KNOP1: variants seen among roughly 807,000 people sequenced by gnomAD.
KNOP1 encodes lysine rich nucleolar protein 1.
A neutral mutation model predicts 30.6 loss-of-function variants in KNOP1; 20 were observed. That is an observed-to-expected ratio of 0.65 (90% CI 0.46 to 0.95). KNOP1 has a LOEUF of 0.95. KNOP1 is among the 40% of genes least tolerant of loss of function. The pLI is 0.00. For synonymous variants in KNOP1, 204 were observed against 210.0 expected, an observed-to-expected ratio of 0.97 and a Z score of 0.25; for missense variants, 540 against 562.0, an observed-to-expected ratio of 0.96 and a Z score of 0.40.
At position 19,714,954 on chromosome 16, in the gene KNOP1, G is replaced by A. The variant is rs369632907; in HGVS notation, c.82C>T (p.Arg28Ter). The change falls in exon 2 of 5, where the codon CGA (arginine) becomes TGA (stop). Residue 28 changes from arginine to a stop codon, truncating the protein, a stop_gained. Coordinates refer to ENST00000219837, the MANE Select transcript of KNOP1 (RefSeq NM_001012991.3). LOFTEE classifies it high-confidence loss of function. ...KKKVVKEPET[R>*]YSVLNNDDYF... ...TCATCATTGTTTAAAACTGAGTATC[G>A]AGTCTCTGGTTCTTTGACCACTTTC... 31 of 1,609,502 alleles carry A rather than the reference G, an allele frequency of 1.9e-5. No homozygotes were observed. The highest frequency in any genetic ancestry group is 2.5e-5 in the Non-Finnish European group (30 of 1,178,772).
In KNOP1 at chr16:19,702,165, T is replaced by G. The variant is rs1389044097; in HGVS notation, c.*4745A>C. The G allele has an allele frequency of 6.6e-6, 1 of 152,062 alleles. No homozygotes were observed. Among genetic ancestry groups the G allele is most frequent in the Non-Finnish European group, 1.5e-5 (1 of 68,032 alleles). The allele number at this position is 152,062 out of a possible 1,614,324, so 9.4% of individuals were successfully genotyped here. A position where few individuals can be genotyped will look rare whatever the true frequency, so the allele number is the denominator to read the frequency against. Reference sequence around the variant, plus strand: ...CACCCAGCTAATTTTGTATTTTTAGTAGAGATGGGGTTTCTCCATGTTGGT... The same window carrying G: ...CACCCAGCTAATTTTGTATTTTTAGGAGAGATGGGGTTTCTCCATGTTGGT... On this transcript the variant is annotated 3_prime_UTR_variant, in exon 5 of 5. Transcript: ENST00000219837.
Position 19,707,055 on chromosome 16 carries a change from C to A in KNOP1, c.1232G>T (p.Ser411Ile). ...NMALGKKAAD[S>I]LQQNLQRDYD... ...GTCCCGCTGCAGATTCTGCTGCAGG[C>A]TGTCAGCCGCCTTCTTGCCGAGGGC... The change falls in exon 5 of 5, where the codon AGC (serine) becomes ATC (isoleucine). Residue 411 changes from serine to isoleucine, a missense_variant. Ser to Ile is a moderately radical substitution (Grantham distance 142, BLOSUM62 -2). Transcript: ENST00000219837. The A allele has an allele frequency of 1.2e-6, 2 of 1,614,152 alleles. No individual in the cohort carries two copies. The highest frequency in any genetic ancestry group is 1.7e-6 in the Non-Finnish European group (2 of 1,180,038).
intron 2 of KNOP1, among the ~76,000 whole-genome samples, chr16:19,713,657 A>C (rs141653862): frequency 0.017 from 2,592 of 152,282 alleles, 78 homozygotes; most frequent in Admixed American, 0.077. Context: ...CCGGCTACCC[A>C]AATCTATTTG....
At chr16:19,707,499 C>T (rs1305332237) in intron 4 of KNOP1, among the ~76,000 whole-genome samples, 1 of 151,996 alleles carries the variant, frequency 6.6e-6, no homozygotes, top group African/African-American at 2.4e-5. Context: ...CAGCCCAGGT[C>T]CAGCCAACAC....
At chr16:19,716,200 C>T (rs571872453) in intron 1 of KNOP1, among the ~76,000 whole-genome samples, 1 of 152,314 alleles carries the variant, frequency 6.6e-6, no homozygotes, top group South Asian at 2.1e-4. Context: ...TTTCCAGTGT[C>T]CTGCTCAGTG....
In KNOP1 at chr16:19,706,551, C is replaced by G. The variant is rs756057692; in HGVS notation, c.*359G>C. 1 of 267,078 alleles carries G rather than the reference C, an allele frequency of 3.7e-6. No homozygotes were observed. The highest frequency in any genetic ancestry group is 7.1e-6 in the Non-Finnish European group (1 of 140,358). The allele number at this position is 267,078 out of a possible 1,614,324, so 16.5% of individuals were successfully genotyped here. The stretch of plus-strand genomic sequence containing the variant: ...TACATACTGATGTCTCAAACAGGGA[C>G]GGAATGTTTAACACAGAAAACAGGA... On this transcript the variant is annotated 3_prime_UTR_variant, in exon 5 of 5. Transcript: ENST00000219837.
intron 3 of KNOP1, 75 bp from the exon 4 acceptor site, chr16:19,710,661 G>C (rs1013551130): frequency 3.2e-6 from 4 of 1,233,568 alleles, no homozygotes; most frequent in Non-Finnish European, 4.8e-6. Context: ...GGACAGAGAC[G>C]GGGCTGGGGG....
rs1305589047 is a variant in KNOP1 at position 19,703,323 on chromosome 16, T to TA, written c.*3586_*3587insT. ...AAACCAGCAGTGTCTAGTCAAGTCT[T>TA]TCTTAAGTCTCTTTGATGTGGACTC... On this transcript the variant is annotated 3_prime_UTR_variant, in exon 5 of 5. Coordinates refer to ENST00000219837, the MANE Select transcript of KNOP1 (RefSeq NM_001012991.3). 2.6e-5 allele frequency: 4 copies of TA among 152,168 alleles called. No homozygotes were observed. Among genetic ancestry groups the TA allele is most frequent in the Non-Finnish European group, 5.9e-5 (4 of 68,038 alleles). 9.4% of individuals were successfully genotyped at this position (152,168 alleles called of 1,614,324 possible). A position where few individuals can be genotyped will look rare whatever the true frequency, so the allele number is the denominator to read the frequency against.
Position 19,706,914 on chromosome 16 carries a change from T to A in KNOP1, c.1373A>T (p.Asp458Val), listed in dbSNP as rs753304515. ...RNASKSVKLE[D>V] ...GGGGGGACAAAACTCTAGAGTTTAA[T>A]CTTCCAGCTTGACTGACTTGGAAGC... Residue 458 changes from aspartate to valine, a missense_variant, in exon 5 of 5, where the codon GAT (aspartate) becomes GTT (valine). Physicochemically the swap from Asp to Val is radical, Grantham distance 152. Transcript: ENST00000219837. 2 of 1,611,962 alleles carry A rather than the reference T, an allele frequency of 1.2e-6. No homozygotes were observed. The highest frequency in any genetic ancestry group is 1.7e-6 in the Non-Finnish European group (2 of 1,179,902).
intron 2 of KNOP1, among the ~76,000 whole-genome samples, chr16:19,712,809 G>A (rs1317067435): frequency 4.6e-5 from 7 of 152,214 alleles, no homozygotes; most frequent in Non-Finnish European, 7.3e-5. Context: ...CGGCCCACAC[G>A]TCCGTGCACA....
Position 19,704,911 on chromosome 16 carries a change from G to A in KNOP1, c.*1999C>T. 3.5e-6 allele frequency: 1 copy of A among 287,632 alleles called. No individual in the cohort carries two copies. The highest frequency in any genetic ancestry group is 6.9e-6 in the Non-Finnish European group (1 of 145,888). The allele number at this position is 287,632 out of a possible 1,614,324, so 17.8% of individuals were successfully genotyped here. A position where few individuals can be genotyped will look rare whatever the true frequency, so the allele number is the denominator to read the frequency against. ...CAGAGCCAGGGAAACTGCCTGAAGTGCCTGCCTCACCTCTGCCCAATGGGC... is the reference window on the plus strand; with the variant it reads ...CAGAGCCAGGGAAACTGCCTGAAGTACCTGCCTCACCTCTGCCCAATGGGC... On this transcript the variant is annotated 3_prime_UTR_variant, in exon 5 of 5. Transcript: ENST00000219837.
At position 19,707,064 on chromosome 16, in the gene KNOP1, G is replaced by A. The variant is rs373038571; in HGVS notation, c.1223C>T (p.Ala408Val). 5.6e-5 allele frequency: 91 copies of A among 1,613,994 alleles called. No homozygotes were observed. The highest frequency in any genetic ancestry group is 7.0e-5 in the Non-Finnish European group (83 of 1,180,040). ...ARPNMALGKK[A>V]ADSLQQNLQR... The stretch of plus-strand genomic sequence containing the variant: ...CAGATTCTGCTGCAGGCTGTCAGCC[G>A]CCTTCTTGCCGAGGGCCATGTTGGG... The change falls in exon 5 of 5, where the codon GCG (alanine) becomes GTG (valine). Residue 408 changes from alanine to valine, a missense_variant. By Grantham distance (64) the Ala-to-Val change is moderately conservative. Transcript: ENST00000219837.
At chr16:19,715,386 C>A in intron 1 of KNOP1, 6 of 190,776 alleles carry the variant, frequency 3.1e-5, no homozygotes, top group Middle Eastern at 2.1e-3. Flanking sequence ...GGGCTTGGTA[C>A]ACTGTTAATT....
rs1460625338 is a variant in KNOP1 at position 19,714,160 on chromosome 16, CTTCT to C, written c.872_875del (p.Lys291ArgfsTer8). The C allele has an allele frequency of 1.2e-6, 2 of 1,613,402 alleles. No individual in the cohort carries two copies. The highest frequency in any genetic ancestry group is 1.7e-6 in the Non-Finnish European group (2 of 1,179,910). ...CTGCTACCCCACTCTCTTTCCTCTT[CTTCT>C]TTTTCTTCCTTTTCAGAGCTGGCTC... On this transcript the variant is annotated frameshift_variant, in exon 2 of 5. Coordinates refer to ENST00000219837, the MANE Select transcript of KNOP1 (RefSeq NM_001012991.3). LOFTEE classifies it high-confidence loss of function.
chr16:19,711,743 T>C, intron 2 of KNOP1: 1 of 405,632 alleles, frequency 2.5e-6, no homozygotes, highest in Non-Finnish European at 4.6e-6. Context: ...AACCCACATC[T>C]CCTGACCCAG....
chr16:19,707,598 A>ACAGC (rs1026978929), intron 4 of KNOP1, among the ~76,000 whole-genome samples: 1 of 148,696 alleles, frequency 6.7e-6, no homozygotes, highest in African/African-American at 2.5e-5. Context: ...TCACTTCACA[A>ACAGC]CAGCGCACTC....
At position 19,706,855 on chromosome 16, in the gene KNOP1, TA is replaced by T. The variant is rs1976377351; in HGVS notation, c.*54del. 6.4e-7 allele frequency: 1 copy of T among 1,569,050 alleles called. No individual in the cohort carries two copies. Among genetic ancestry groups the T allele is most frequent in the African/African-American group, 1.4e-5 (1 of 72,678 alleles). On this transcript the variant is annotated 3_prime_UTR_variant, in exon 5 of 5. Transcript: ENST00000219837. ...CAAAAAAAATTTGTAATCTCCAGCA[TA>T]AATGGAATAATCAAAGCAATTGTGG...
chr16:19,718,129 G>A (rs1977297421), intron 1 of KNOP1, 29 bp downstream of exon 1: 3 of 1,445,288 alleles, frequency 2.1e-6, no homozygotes, highest in East Asian at 5.0e-5. Flanking sequence ...CCCCGCGCCG[G>A]CCCGCCTGCA....
rs1169130824 is a variant in KNOP1, at chr16:19,705,146, G to A, written c.*1764C>T. The A allele has an allele frequency of 2.2e-6, 1 of 455,844 alleles. No homozygotes were observed. Among genetic ancestry groups the A allele is most frequent in the Admixed American group, 2.4e-5 (1 of 42,530 alleles). 28.2% of individuals were successfully genotyped at this position (455,844 alleles called of 1,614,324 possible). A position where few individuals can be genotyped will look rare whatever the true frequency, so the allele number is the denominator to read the frequency against. On this transcript the variant is annotated 3_prime_UTR_variant, in exon 5 of 5. Transcript: ENST00000219837. ...TGATATGCTGCCTGGAACTGTTACTGCCATCTTTGTACTAGCCTTGATGAA... is the reference window on the plus strand; with the variant it reads ...TGATATGCTGCCTGGAACTGTTACTACCATCTTTGTACTAGCCTTGATGAA...
Sources: gnomAD v4.1 joint callset for allele counts (sites outside exome capture counted in the v4.1 genomes callset) on GRCh38, gnomAD v4.1.1 for gene constraint, MANE v1.5 for transcripts, NCBI Gene and HGNC (gene_info 2026-07-23, HGNC 2026-07-21) for gene names.